PCDHGA12: variants seen among roughly 807,000 people sequenced by gnomAD.
PCDHGA12 encodes protocadherin gamma-A12.
Under a neutral mutation model 61.1 loss-of-function variants are expected in PCDHGA12, and 43 were observed. That is an observed-to-expected ratio of 0.70 (90% confidence interval 0.55 to 0.91). The LOEUF is 0.91. PCDHGA12 is among the 40% of genes least tolerant of loss of function. The pLI is 0.00. For synonymous variants in PCDHGA12, 520 were observed against 542.9 expected, an observed-to-expected ratio of 0.96 and a Z score of 0.59; for missense variants, 1,236 against 1,227.7, an observed-to-expected ratio of 1.01 and a Z score of -0.10.
At chr5:141,470,001 C>T (rs753591964) in intron 1 of PCDHGA12, among the ~76,000 whole-genome samples, 6 of 152,006 alleles carry the variant, frequency 3.9e-5, no homozygotes, top group Admixed American at 1.3e-4. Context: ...CGTCGTGGCA[C>T]GCCTGTAATC....
At position 141,477,754 on chromosome 5, in the gene PCDHGA12, C is replaced by T. The variant is rs1325020341; in HGVS notation, c.2425-17053C>T. The T allele has an allele frequency of 3.7e-6, 6 of 1,613,928 alleles. No homozygotes were observed. Among genetic ancestry groups the T allele is most frequent in the Non-Finnish European group, 5.1e-6 (6 of 1,180,046 alleles). On this transcript the variant is annotated intron_variant, in intron 1 of 3. Coordinates refer to ENST00000252085, the MANE Select transcript of PCDHGA12 (RefSeq NM_003735.3). The surrounding 1 kb of genome is among the most constrained non-coding windows in gnomAD (Gnocchi z 4.9). Reference sequence around the variant, plus strand: ...ATATCAGCGATGGGGGCACCCCGGTCCTAGCCACCAACATCAGCGTGAACA... The same window carrying T: ...ATATCAGCGATGGGGGCACCCCGGTTCTAGCCACCAACATCAGCGTGAACA...
Position 141,489,753 on chromosome 5 carries a change from T to A in PCDHGA12, c.2425-5054T>A, listed in dbSNP as rs549652158. On this transcript the variant is annotated intron_variant, in intron 1 of 3. Transcript: ENST00000252085. The surrounding 1 kb of genome is among the most constrained non-coding windows in gnomAD (Gnocchi z 4.5). ...GCACCAATACTGTGAGCTTTTACAC[T>A]CTAAGCCCCAACAGCCACTTCTCTC... 6.2e-7 allele frequency: 1 copy of A among 1,614,070 alleles called. No homozygotes were observed. The highest frequency in any genetic ancestry group is 2.2e-5 in the East Asian group (1 of 44,866).
chr5:141,437,892 C>A (rs2097916583), intron 1 of PCDHGA12, among the ~76,000 whole-genome samples: 2 of 152,116 alleles, frequency 1.3e-5, no homozygotes, highest in Admixed American at 1.3e-4. Context: ...CACACGCCAC[C>A]ACACCCAGCT....
At chr5:141,502,024 C>G (rs2099812413) in intron 2 of PCDHGA12, among the ~76,000 whole-genome samples, 1 of 152,152 alleles carries the variant, frequency 6.6e-6, no homozygotes, top group African/African-American at 2.4e-5. Context: ...TCCCTGCAAC[C>G]CCCGCCGCTT....
rs773232677 is a variant in PCDHGA12, at chr5:141,490,388, G to A, written c.2425-4419G>A. 2 of 1,614,206 alleles carry A rather than the reference G, an allele frequency of 1.2e-6. No homozygotes were observed. The highest frequency in any genetic ancestry group is 2.2e-5 in the East Asian group (1 of 44,878). The stretch of plus-strand genomic sequence containing the variant: ...CGAGACCGGGACTCAGGTAGAAATG[G>A]TGAAGTGAGCCTTGATATCTCTCCG... On this transcript the variant is annotated intron_variant, in intron 1 of 3. Transcript: ENST00000252085. The surrounding 1 kb of genome is among the most constrained non-coding windows in gnomAD (Gnocchi z 5.4).
In PCDHGA12 at chr5:141,430,661, G is replaced by A; in HGVS notation, c.-99G>A. The A allele has an allele frequency of 8.6e-7, 1 of 1,159,744 alleles. No individual in the cohort carries two copies. Among genetic ancestry groups the A allele is most frequent in the South Asian group, 2.1e-5 (1 of 47,802 alleles). 71.8% of individuals were successfully genotyped at this position (1,159,744 alleles called of 1,614,324 possible). A position where few individuals can be genotyped will look rare whatever the true frequency, so the allele number is the denominator to read the frequency against. ...GGGAGTATGTGGAAACAACGGAGGA[G>A]CTCTGACTTCCCAACTGTCCCATTC... On this transcript the variant is annotated 5_prime_UTR_variant, in exon 1 of 4. Transcript: ENST00000252085.
At chr5:141,509,069 G>T (rs1463164307) in intron 3 of PCDHGA12, among the ~76,000 whole-genome samples, 1 of 152,174 alleles carries the variant, frequency 6.6e-6, no homozygotes, top group Non-Finnish European at 1.5e-5. Flanking sequence ...CTCAGCTCCG[G>T]GGATTTGCGA....
intron 1 of PCDHGA12, among the ~76,000 whole-genome samples, chr5:141,492,882 C>G (rs2099744816): frequency 6.6e-6 from 1 of 152,218 alleles, no homozygotes; most frequent in Admixed American, 6.5e-5. Context: ...CCCAGAGATA[C>G]AGGCTTTTGG....
Position 141,494,802 on chromosome 5 carries a change from C to T in PCDHGA12, c.2425-5C>T. 5 of 1,614,120 alleles carry T rather than the reference C, an allele frequency of 3.1e-6. No individual in the cohort carries two copies. The highest frequency in any genetic ancestry group is 4.2e-6 in the Non-Finnish European group (5 of 1,180,016). ...TCAGCCCCTTTCCCTCTGTTTTCTC[C>T]ACAGCAAGCCCCGCCCAACACGGAC... is the stretch of plus-strand genomic sequence containing the variant. On this transcript the variant is annotated splice_polypyrimidine_tract_variant and splice_region_variant and intron_variant, in intron 1 of 3. Transcript: ENST00000252085.
intron 1 of PCDHGA12, among the ~76,000 whole-genome samples, chr5:141,436,613 A>C (rs1334315821): frequency 1.3e-5 from 2 of 152,206 alleles, no homozygotes; most frequent in Non-Finnish European, 2.9e-5. Flanking sequence ...AGGGCTAACA[A>C]AAATCTGATT....
At chr5:141,452,412 T>G (rs1009940351) in intron 1 of PCDHGA12, among the ~76,000 whole-genome samples, 2 of 152,222 alleles carry the variant, frequency 1.3e-5, no homozygotes, top group Non-Finnish European at 2.9e-5. Context: ...GTGTGAGGTA[T>G]GCTCACTGCT....
At chr5:141,494,729 C>A in intron 1 of PCDHGA12, 78 bp from the exon 2 acceptor site, 1 of 1,610,166 alleles carries the variant, frequency 6.2e-7, no homozygotes. Context: ...CCTTCTCTCC[C>A]GGCCCATCCC....
intron 1 of PCDHGA12, among the ~76,000 whole-genome samples, chr5:141,445,978 TTATAAA>T (rs551337386): frequency 6.6e-6 from 1 of 152,272 alleles, no homozygotes; most frequent in East Asian, 1.9e-4. Context: ...TTTATGAGGG[TTATAAA>T]TAGAAATAGG....
chr5:141,485,009 C>A lies in PCDHGA12; in HGVS notation c.2425-9798C>A, dbSNP rs531346426. 4 of 628,216 alleles carry A rather than the reference C, an allele frequency of 6.4e-6. No individual in the cohort carries two copies. Among genetic ancestry groups the A allele is most frequent in the African/African-American group, 3.7e-5 (2 of 54,100 alleles). 38.9% of individuals were successfully genotyped at this position (628,216 alleles called of 1,614,324 possible). On this transcript the variant is annotated intron_variant, in intron 1 of 3. Transcript: ENST00000252085. This position sits in a 1 kb window ranked among gnomAD's most constrained non-coding sequence, Gnocchi z 5.7. Reference sequence around the variant, plus strand: ...GGTGGTGAAAGGCAGACAAATCTACCCCGCCACCAGCAAAAACGGCGCGTA... The same window carrying A: ...GGTGGTGAAAGGCAGACAAATCTACACCGCCACCAGCAAAAACGGCGCGTA...
chr5:141,434,894 C>T (rs1316284716), intron 1 of PCDHGA12, among the ~76,000 whole-genome samples: 1 of 143,118 alleles, frequency 7.0e-6, no homozygotes, highest in East Asian at 2.1e-4. Flanking sequence ...AATCCAGTCC[C>T]CTTCCCTCAT....
intron 1 of PCDHGA12, among the ~76,000 whole-genome samples, chr5:141,469,206 A>T (rs752389937): frequency 6.6e-6 from 1 of 150,920 alleles, no homozygotes; most frequent in African/African-American, 2.4e-5. Flanking sequence ...AGCCTTTTGA[A>T]GTTGAGGCTT....
At position 141,455,354 on chromosome 5, in the gene PCDHGA12, T is replaced by C. The variant is rs185319743; in HGVS notation, c.2424+22171T>C. ...TGGTTTTAAGGAGCGGAGAGTTTAA[T>C]AGGCAAGAAGGAAGGGAGAAGACAG... On this transcript the variant is annotated intron_variant, in intron 1 of 3. Coordinates refer to ENST00000252085, the MANE Select transcript of PCDHGA12 (RefSeq NM_003735.3). Among the ~76,000 whole-genome samples the C allele has an allele frequency of 1.7e-3, 263 of 152,180 alleles. 2 individuals are homozygous for C. The highest frequency in any genetic ancestry group is 3.0e-3 in the Non-Finnish European group (207 of 68,010).
chr5:141,487,475 C>T lies in PCDHGA12; in HGVS notation c.2425-7332C>T, dbSNP rs781308835. On this transcript the variant is annotated intron_variant, in intron 1 of 3. Coordinates refer to ENST00000252085, the MANE Select transcript of PCDHGA12 (RefSeq NM_003735.3). The surrounding 1 kb of genome is among the most constrained non-coding windows in gnomAD (Gnocchi z 5.0). ...TATCAAGTTTGTTGATGTGGGAGGC[C>T]ACTCTCATGGCTGTACACCCTTGGC... 1.2e-6 allele frequency: 2 copies of T among 1,614,156 alleles called. No homozygotes were observed. Among genetic ancestry groups the T allele is most frequent in the South Asian group, 1.1e-5 (1 of 91,080 alleles).
In PCDHGA12 at chr5:141,476,533, A is replaced by G; in HGVS notation, c.2425-18274A>G. 6.2e-7 allele frequency: 1 copy of G among 1,614,184 alleles called. No individual in the cohort carries two copies. Among genetic ancestry groups the G allele is most frequent in the Non-Finnish European group, 8.5e-7 (1 of 1,180,022 alleles). On this transcript the variant is annotated intron_variant, in intron 1 of 3. Transcript: ENST00000252085. The surrounding 1 kb of genome is among the most constrained non-coding windows in gnomAD (Gnocchi z 7.6). ...ACAATCCTGCTTTCCCTACCCAGGA[A>G]ATGAAATTGGAGATTAGCGAGGCCG...
Sources: allele counts gnomAD v4.1 joint callset (sites outside exome capture counted in the v4.1 genomes callset), GRCh38; gene constraint gnomAD v4.1.1; non-coding constraint Gnocchi (gnomAD v3.1); transcripts MANE v1.5; gene names NCBI Gene and HGNC (gene_info 2026-07-23, HGNC 2026-07-21).